Variants in GCNT1 observed in about 807,000 individuals in gnomAD.
The protein encoded by GCNT1 is glucosaminyl (N-acetyl) transferase 1.
A neutral mutation model predicts 26.2 loss-of-function variants in GCNT1; 16 were observed. The ratio of observed to expected loss-of-function variants is 0.61; its 90% CI spans 0.41 to 0.93. The LOEUF is 0.93. Ranked by LOEUF, GCNT1 falls within the 40% of genes least tolerant of loss-of-function variation. The pLI, the probability that GCNT1 is intolerant of heterozygous loss-of-function variation, is 0.00. For missense variants in GCNT1, 477 were observed against 526.7 expected, an observed-to-expected ratio of 0.91 and a Z score of 0.92; for synonymous variants, 183 against 190.8, an observed-to-expected ratio of 0.96 and a Z score of 0.34.
upstream of GCNT1, among the ~76,000 whole-genome samples, chr9:76,455,020 G>T (rs1261465259): frequency 1.3e-5 from 2 of 151,496 alleles, no homozygotes; most frequent in Non-Finnish European, 2.9e-5. Context: ...GATAATTTTT[G>T]TATTTTTAGT....
At chr9:76,417,878 G>A (rs1242810220), upstream of GCNT1, among the ~76,000 whole-genome samples, 2 of 152,182 alleles carry the variant, frequency 1.3e-5, no homozygotes, top group African/African-American at 2.4e-5. Flanking sequence ...AAGGGAAAGC[G>A]TCCGTCATCC....
At chr9:76,398,202 T>G in the GCNT1 span, among the ~76,000 whole-genome samples, 2 of 152,170 alleles carry the variant, frequency 1.3e-5, no homozygotes, top group Middle Eastern at 3.2e-3. Context: ...AAAAGAAGGC[T>G]TATTCTAAGT....
chr9:76,458,374 C>G (rs1047381112), upstream of GCNT1, among the ~76,000 whole-genome samples: 14 of 151,678 alleles, frequency 9.2e-5, no homozygotes, highest in Admixed American at 2.0e-4. Flanking sequence ...AGTAGAGACG[C>G]GGTTTCACCA....
intron 2 of GCNT1, among the ~76,000 whole-genome samples, chr9:76,465,600 C>T (rs532243484): frequency 1.3e-5 from 2 of 152,316 alleles, no homozygotes; most frequent in African/African-American, 2.4e-5. Context: ...AGGCTTCAGC[C>T]CCCTGAGCCA....
intron 1 of GCNT1, among the ~76,000 whole-genome samples, chr9:76,430,888 G>A (rs1270408856): frequency 6.6e-6 from 1 of 152,102 alleles, no homozygotes; most frequent in East Asian, 1.9e-4. Flanking sequence ...GTTTCACCAT[G>A]TTGGCCAGGC....
At chr9:76,483,693 G>A (rs774930056) in intron 2 of GCNT1, among the ~76,000 whole-genome samples, 2 of 152,246 alleles carry the variant, frequency 1.3e-5, no homozygotes, top group African/African-American at 2.4e-5. Context: ...AAAGTGCTAC[G>A]ATAACAGGCA....
intron 2 of GCNT1, among the ~76,000 whole-genome samples, chr9:76,463,371 G>A (rs11144912): frequency 0.11 from 16,135 of 152,204 alleles, 1,086 homozygotes; most frequent in African/African-American, 0.19. Flanking sequence ...AGCTGGCCCT[G>A]GTGAAACTCT....
At chr9:76,463,185 G>A (rs1170196223) in intron 2 of GCNT1, among the ~76,000 whole-genome samples, 1 of 152,146 alleles carries the variant, frequency 6.6e-6, no homozygotes, top group Admixed American at 6.6e-5. Context: ...TGCCTCCTTA[G>A]CTGGGGATTA....
chr9:76,454,233 G>A (rs1378759997), upstream of GCNT1, among the ~76,000 whole-genome samples: 2 of 151,470 alleles, frequency 1.3e-5, no homozygotes, highest in African/African-American at 2.4e-5. Context: ...AAATTAGCTG[G>A]GCATGGTTGG....
chr9:76,411,890 C>T, the GCNT1 span, among the ~76,000 whole-genome samples: 206 of 151,750 alleles, frequency 1.4e-3, 1 homozygote, highest in African/African-American at 4.5e-3. Flanking sequence ...TTAGTAGAGA[C>T]AAGGTTTCAC....
chr9:76,476,437 A>G (rs1317118708), intron 2 of GCNT1, among the ~76,000 whole-genome samples: 1 of 152,114 alleles, frequency 6.6e-6, no homozygotes, highest in Non-Finnish European at 1.5e-5. Flanking sequence ...GAAAAAAAAA[A>G]AGAGAAAAAG....
chr9:76,439,135 G>A (rs1183322059), upstream of GCNT1, among the ~76,000 whole-genome samples: 1 of 151,924 alleles, frequency 6.6e-6, no homozygotes, highest in African/African-American at 2.4e-5. Flanking sequence ...AGTAGCTTCA[G>A]TATCACCTGG....
At chr9:76,415,582 C>A (rs1156958820), upstream of GCNT1, among the ~76,000 whole-genome samples, 1 of 152,198 alleles carries the variant, frequency 6.6e-6, no homozygotes, top group Non-Finnish European at 1.5e-5. Context: ...CATTTCCCCT[C>A]CCATGAAAAG....
At chr9:76,453,436 G>A (rs1193831202) in intron 1 of GCNT1, among the ~76,000 whole-genome samples, 5 of 152,182 alleles carry the variant, frequency 3.3e-5, no homozygotes, top group Admixed American at 3.3e-4. Context: ...TCCCAAAGAG[G>A]CCTTTGAGGT....
chr9:76,393,874 C>T, the GCNT1 span: 1 of 553,266 alleles, frequency 1.8e-6, no homozygotes, highest in Non-Finnish European at 3.2e-6. Context: ...CACCCCTCAA[C>T]CCCGTCCCCG....
chr9:76,445,792 T>C (rs113987877), intron 1 of GCNT1, among the ~76,000 whole-genome samples: 3 of 151,874 alleles, frequency 2.0e-5, no homozygotes, highest in African/African-American at 7.2e-5. Context: ...CTGGACAACA[T>C]GGTGAGACTC....
At chr9:76,460,414 G>A (rs1380805625) in intron 2 of GCNT1, among the ~76,000 whole-genome samples, 1 of 152,220 alleles carries the variant, frequency 6.6e-6, no homozygotes, top group Non-Finnish European at 1.5e-5. Flanking sequence ...GACGTGGTCT[G>A]GAAGTTGTCT....
chr9:76,399,497 T>A, the GCNT1 span: 2 of 1,591,792 alleles, frequency 1.3e-6, no homozygotes, highest in Non-Finnish European at 1.7e-6. Flanking sequence ...TACTGAAGAC[T>A]GGAGCGCTCA....
chr9:76,502,510 C>T lies in GCNT1; in HGVS notation c.129C>T (p.Val43=), dbSNP rs771631761. 1 of 1,613,948 alleles carries T rather than the reference C, an allele frequency of 6.2e-7. No homozygotes were observed. The highest frequency in any genetic ancestry group is 1.7e-5 in the Admixed American group (1 of 60,022). ...ATCAAAAGCCTGAATTTGTAAGTGT[C>T]AGACACTTGGAGCTTGCTGGGGAGA... ...RIHQKPEFVS[V]RHLELAGENP... The change falls in exon 4 of 4, where the codon GTC becomes GTT. Residue 43 remains valine (V), a synonymous_variant. Coordinates refer to ENST00000376730, the MANE Select transcript of GCNT1 (RefSeq NM_001490.5).
Sources: allele counts gnomAD v4.1 joint callset (sites outside exome capture counted in the v4.1 genomes callset), GRCh38; gene constraint gnomAD v4.1.1; transcripts MANE v1.5; gene names NCBI Gene and HGNC (gene_info 2026-07-23, HGNC 2026-07-21).